ECRG4: variants seen among roughly 807,000 people sequenced by gnomAD.
The protein encoded by ECRG4 is ECRG4 augurin precursor.
ECRG4 carries 18 observed loss-of-function variants against 15.8 expected under a neutral mutation model. The observed-to-expected ratio is 1.14, with a 90% CI of 0.79 to 1.69. The LOEUF (loss-of-function observed/expected upper bound fraction) is 1.69. Among genes scored for constraint, ECRG4 ranks in the 40% most tolerant of loss-of-function variants. The probability of loss-of-function intolerance (pLI) is 0.00; values close to 1 mark genes in which losing one functional copy is unlikely to be tolerated. For missense variants in ECRG4, 200 were observed against 190.9 expected (o/e 1.05, Z -0.28); for synonymous variants, 82 against 73.9 (o/e 1.11, Z -0.56).
At chr2:106,067,325 A>G (rs1346155687) in intron 1 of ECRG4, among the ~76,000 whole-genome samples, 1 of 152,092 alleles carries the variant, frequency 6.6e-6, no homozygotes, top group Non-Finnish European at 1.5e-5. Flanking sequence ...AAAGAAGAAG[A>G]AGAAAAAAGC....
At position 106,077,804 on chromosome 2, in the gene ECRG4, C is replaced by T. The variant is rs375563861; in HGVS notation, c.325C>T (p.Arg109Ter). 1,031 of 1,613,996 alleles carry T rather than the reference C, an allele frequency of 6.4e-4. 23 individuals are homozygous for T. The South Asian group carries it at 0.01, about 16-fold the overall frequency. The stretch of plus-strand genomic sequence containing the variant: ...CATCACCTATTGGCTTAACAGAGAT[C>T]GAAATGGACATGAATACTATGGCGA... ...DDITYWLNRD[R>*]NGHEYYGDYY... is the part of the protein sequence containing the mutation. Residue 109 changes from arginine to a stop codon, truncating the protein, a stop_gained, in exon 4 of 4, where the codon CGA becomes TGA. Coordinates refer to ENST00000238044, the MANE Select transcript of ECRG4 (RefSeq NM_032411.3). LOFTEE classifies it high-confidence loss of function.
At chr2:106,074,107 G>A (rs1269344516) in intron 3 of ECRG4, 64 bp downstream of exon 3, 7 of 1,580,800 alleles carry the variant, frequency 4.4e-6, no homozygotes, top group African/African-American at 1.4e-5. Context: ...AGGAGGCCTG[G>A]CTCGGGGAAA....
intron 1 of ECRG4, among the ~76,000 whole-genome samples, chr2:106,068,459 A>G (rs1484758439): frequency 6.6e-6 from 1 of 152,338 alleles, no homozygotes; most frequent in East Asian, 1.9e-4. Flanking sequence ...AGTACCTGGC[A>G]CAGCAGCAAC....
intron 2 of ECRG4, among the ~76,000 whole-genome samples, chr2:106,073,522 T>G (rs1023370961): frequency 1.3e-5 from 2 of 152,178 alleles, no homozygotes; most frequent in African/African-American, 2.4e-5. Context: ...GCACTAGATA[T>G]CCAGTCTGTT....
intron 3 of ECRG4, among the ~76,000 whole-genome samples, chr2:106,077,028 C>G (rs79947100): frequency 6.6e-6 from 1 of 152,208 alleles, no homozygotes; most frequent in South Asian, 2.1e-4. Flanking sequence ...GACCATCATT[C>G]TACACTACTT....
upstream of ECRG4, among the ~76,000 whole-genome samples, chr2:106,064,862 G>A (rs1676169934): frequency 6.6e-6 from 1 of 152,150 alleles, no homozygotes; most frequent in African/African-American, 2.4e-5. Context: ...TCTAGTTTTT[G>A]TTCACTACGC....
intron 3 of ECRG4, 85 bp from the exon 4 acceptor site, chr2:106,077,680 G>A: frequency 7.9e-7 from 1 of 1,268,976 alleles, no homozygotes; most frequent in South Asian, 1.4e-5. Context: ...AAACCACCAT[G>A]AAGAAAAGCC....
intron 1 of ECRG4, 117 bp from the exon 2 acceptor site, chr2:106,071,727 A>T (rs1338307804): frequency 1.4e-6 from 1 of 718,030 alleles, no homozygotes; most frequent in African/African-American, 1.8e-5. Flanking sequence ...TGATGTTACC[A>T]AGTTGCCAAA....
chr2:106,072,018 C>T (rs1676381768), intron 2 of ECRG4, 127 bp downstream of exon 2: 5 of 740,380 alleles, frequency 6.8e-6, no homozygotes, highest in Non-Finnish European at 1.1e-5. Context: ...AAAAGGTTAG[C>T]AGATATGAAG....
At chr2:106,066,494 G>C (rs1182970900) in intron 1 of ECRG4, among the ~76,000 whole-genome samples, 1 of 152,348 alleles carries the variant, frequency 6.6e-6, no homozygotes, top group East Asian at 1.9e-4. Flanking sequence ...GGGCTCCACA[G>C]GCCCCACTTT....
At position 106,073,916 on chromosome 2, in the gene ECRG4, T is replaced by A. The variant is rs1472266190; in HGVS notation, c.158T>A (p.Val53Asp). ...GTTCCAACTAAGACTAAAGTGGCCGTTGATGAGAATAAAGCCAAAGAATTC... is the reference window on the plus strand; with the variant it reads ...GTTCCAACTAAGACTAAAGTGGCCGATGATGAGAATAAAGCCAAAGAATTC... ...APVPTKTKVAVDENKAKEFLG... is the reference protein window; with the variant it reads ...APVPTKTKVADDENKAKEFLG... The change falls in exon 3 of 4, where the codon GTT becomes GAT. Residue 53 changes from valine to aspartate, a missense_variant. By Grantham distance (152) the Val-to-Asp change is radical. Coordinates refer to ENST00000238044, the MANE Select transcript of ECRG4 (RefSeq NM_032411.3). The A allele has an allele frequency of 6.2e-7, 1 of 1,614,194 alleles. No homozygotes were observed. The highest frequency in any genetic ancestry group is 8.5e-7 in the Non-Finnish European group (1 of 1,180,026).
Position 106,075,636 on chromosome 2 carries a change from C to T in ECRG4, c.285+1593C>T, listed in dbSNP as rs10171210. ...ACTCAGGGGACTGAGACAGGAGAAT[C>T]CTTCGAACCCGGGAGGCGGAGTTTG... On this transcript the variant is annotated intron_variant, in intron 3 of 3. Transcript: ENST00000238044. 8.5e-3 allele frequency among the ~76,000 whole-genome samples: 1,294 copies of T among 152,270 alleles called. 20 individuals are homozygous for T. Among genetic ancestry groups the T allele is most frequent in the African/African-American group, 0.029 (1,218 of 41,540 alleles).
chr2:106,065,920 G>C, intron 1 of ECRG4, 77 bp downstream of exon 1: 1 of 1,291,600 alleles, frequency 7.7e-7, no homozygotes, highest in Non-Finnish European at 1.0e-6. Context: ...GGTGCCCGGG[G>C]AGAGCGATCG....
In ECRG4 at chr2:106,077,866, T is replaced by C. The variant is rs1372652691; in HGVS notation, c.387T>C (p.Ile129=). ...YQRHYDEDSA[I]GPRSPYGFRH... is the part of the protein sequence containing the mutation. The stretch of plus-strand genomic sequence containing the variant: ...GTCACTATGATGAAGACTCTGCAAT[T>C]GGTCCCCGGAGCCCCTACGGCTTTA... Residue 129 remains isoleucine (I), a synonymous_variant, in exon 4 of 4, where the codon ATT becomes ATC. Coordinates refer to ENST00000238044, the MANE Select transcript of ECRG4 (RefSeq NM_032411.3). 6.2e-7 allele frequency: 1 copy of C among 1,614,194 alleles called. No homozygotes were observed.
At chr2:106,071,752 C>T (rs900115395) in intron 1 of ECRG4, 92 bp from the exon 2 acceptor site, 13 of 1,012,938 alleles carry the variant, frequency 1.3e-5, no homozygotes, top group African/African-American at 4.8e-5. Context: ...GGCAGGGGCC[C>T]GCAGTTCTTT....
intron 2 of ECRG4, 193 bp from the exon 3 acceptor site, chr2:106,073,693 A>G (rs1676418927): frequency 2.9e-6 from 2 of 684,320 alleles, no homozygotes; most frequent in Non-Finnish European, 5.1e-6. Context: ...ACCAAATAAC[A>G]CTTACTAACA....
chr2:106,067,487 G>A (rs1232528628), intron 1 of ECRG4, among the ~76,000 whole-genome samples: 1 of 133,604 alleles, frequency 7.5e-6, no homozygotes, highest in Admixed American at 7.5e-5. Context: ...TTTTTTTTTT[G>A]AGATGGAGTT....
At chr2:106,070,866 G>A (rs1466420505) in intron 1 of ECRG4, 2 of 469,800 alleles carry the variant, frequency 4.3e-6, no homozygotes, top group Non-Finnish European at 8.8e-6. Context: ...TCCATCCTGG[G>A]GCCTGACTCC....
chr2:106,074,008 T>C lies in ECRG4; in HGVS notation c.250T>C (p.Tyr84His). ...GACTCGGCCCGAGGTGCAGCAGTGG[T>C]ACCAGCAGTTTCTCTACATGGGCTT... ...DRTRPEVQQW[Y>H]QQFLYMGFDE... The change falls in exon 3 of 4, where the codon TAC (tyrosine) becomes CAC (histidine). Residue 84 changes from tyrosine to histidine, a missense_variant. By Grantham distance (83) the Tyr-to-His change is moderately conservative. Coordinates refer to ENST00000238044, the MANE Select transcript of ECRG4 (RefSeq NM_032411.3). 1 of 1,613,702 alleles carries C rather than the reference T, an allele frequency of 6.2e-7. No individual in the cohort carries two copies. The highest frequency in any genetic ancestry group is 8.5e-7 in the Non-Finnish European group (1 of 1,180,050).
Sources: allele counts gnomAD v4.1 joint callset (sites outside exome capture counted in the v4.1 genomes callset), GRCh38; gene constraint gnomAD v4.1.1; transcripts MANE v1.5; gene names NCBI Gene and HGNC (gene_info 2026-07-23, HGNC 2026-07-21).